The following CDH13 variants were observed in gnomAD, a reference collection of about 807,000 sequenced individuals.
The protein encoded by CDH13 is cadherin 13, also known as cadherin-13.
A neutral mutation model predicts 63.8 loss-of-function variants in CDH13; 24 were observed. The observed-to-expected ratio is 0.38, with a 90% CI of 0.27 to 0.53. The LOEUF (loss-of-function observed/expected upper bound fraction) is 0.53, where lower values mean the gene tolerates loss of function less well. Ranked by LOEUF, CDH13 falls within the 20% of genes least tolerant of loss-of-function variation. The pLI, the probability that CDH13 is intolerant of heterozygous loss-of-function variation, is 0.85. For missense variants in CDH13, 1,049 were observed against 903.1 expected (o/e 1.16, Z -2.07); for synonymous variants, 503 against 355.3 (o/e 1.42, Z -4.67).
intron 7 of CDH13, among the ~76,000 whole-genome samples, chr16:83,525,449 C>G (rs2074940072): frequency 6.6e-6 from 1 of 152,200 alleles, no homozygotes; most frequent in Admixed American, 6.5e-5. Context: ...GACTCCTAAG[C>G]CTAATTTGTA....
chr16:83,124,909 T>C (rs938435504), intron 3 of CDH13, among the ~76,000 whole-genome samples: 5 of 152,216 alleles, frequency 3.3e-5, no homozygotes, highest in Admixed American at 6.5e-5. Context: ...CATCCTGTTT[T>C]GGTTACTATA....
At chr16:82,899,570 G>T (rs1011317900) in intron 2 of CDH13, among the ~76,000 whole-genome samples, 4 of 152,110 alleles carry the variant, frequency 2.6e-5, no homozygotes, top group African/African-American at 7.2e-5. Flanking sequence ...ATGAGGCAAT[G>T]CCTGCAGGTG....
intron 6 of CDH13, among the ~76,000 whole-genome samples, chr16:83,369,196 CAAA>C (rs950934733): frequency 6.6e-6 from 1 of 151,104 alleles, no homozygotes; most frequent in Admixed American, 6.6e-5. Flanking sequence ...TGGTCATGAT[CAAA>C]AAATGAAAAA....
chr16:83,540,926 G>A (rs1308173714), intron 7 of CDH13, among the ~76,000 whole-genome samples: 2 of 152,140 alleles, frequency 1.3e-5, no homozygotes, highest in African/African-American at 4.8e-5. Context: ...CACTGCACCT[G>A]GCCTATTGTC....
chr16:83,690,635 C>G (rs1904765661), intron 10 of CDH13, among the ~76,000 whole-genome samples: 1 of 152,014 alleles, frequency 6.6e-6, no homozygotes, highest in Admixed American at 6.5e-5. Flanking sequence ...GTAGGGTAGC[C>G]ATAGTAATCC....
At chr16:83,338,595 C>T (rs907720165) in intron 5 of CDH13, among the ~76,000 whole-genome samples, 6 of 152,222 alleles carry the variant, frequency 3.9e-5, no homozygotes, top group Admixed American at 6.5e-5. Flanking sequence ...AGGAGGCTGA[C>T]GCCATGGGAA....
At chr16:83,395,572 C>T (rs1353620126) in intron 6 of CDH13, among the ~76,000 whole-genome samples, 3 of 152,100 alleles carry the variant, frequency 2.0e-5, no homozygotes, top group African/African-American at 7.2e-5. Context: ...CCCAACCCTC[C>T]CACATTGAAG....
intron 2 of CDH13, among the ~76,000 whole-genome samples, chr16:82,949,217 C>G (rs947199620): frequency 3.3e-5 from 5 of 152,164 alleles, no homozygotes; most frequent in Admixed American, 6.5e-5. Context: ...TTCAGAGTGT[C>G]TAGGGGAGGA....
intron 6 of CDH13, among the ~76,000 whole-genome samples, chr16:83,370,008 G>T (rs917128490): frequency 1.3e-5 from 2 of 152,260 alleles, no homozygotes; most frequent in African/African-American, 4.8e-5. Flanking sequence ...CATCTGAAAC[G>T]ATCTCCTCCA....
intron 4 of CDH13, among the ~76,000 whole-genome samples, chr16:83,167,756 G>A (rs1053481039): frequency 2.7e-5 from 4 of 150,588 alleles, no homozygotes; most frequent in Middle Eastern, 3.4e-3. Flanking sequence ...TTTTCAAATA[G>A]TTCAACTGGA....
At chr16:82,830,759 A>G (rs1394768115) in intron 1 of CDH13, among the ~76,000 whole-genome samples, 2 of 152,244 alleles carry the variant, frequency 1.3e-5, no homozygotes, top group African/African-American at 2.4e-5. Flanking sequence ...TATGCATAAA[A>G]GAAGGCCAGT....
chr16:82,896,276 A>ATTTTGTTTTTTT (rs2041253849), intron 2 of CDH13, among the ~76,000 whole-genome samples: 1 of 87,816 alleles, frequency 1.1e-5, no homozygotes, highest in Non-Finnish European at 2.2e-5. Context: ...TAGGATTAGG[A>ATTTTGTTTTTTT]TTTTTTTTTT....
chr16:83,572,209 T>TGTGTGTGTGTGA (rs1567775000), intron 7 of CDH13, among the ~76,000 whole-genome samples: 1 of 143,692 alleles, frequency 7.0e-6, no homozygotes. Context: ...TGTGTGTGTG[T>TGTGTGTGTGTGA]GAGTTTCACT....
chr16:83,191,528 C>CATATATATATATATATAT (rs1479803621), intron 4 of CDH13, among the ~76,000 whole-genome samples: 29 of 70,062 alleles, frequency 4.1e-4, no homozygotes, highest in East Asian at 1.5e-3. Context: ...CACACACACA[C>CATATATATATATATATAT]ACATATATAT....
At chr16:82,874,986 A>G (rs534809845) in intron 2 of CDH13, among the ~76,000 whole-genome samples, 46 of 152,334 alleles carry the variant, frequency 3.0e-4, no homozygotes, top group African/African-American at 8.9e-4. Context: ...GCCATGGGCT[A>G]GGACCAGGCT....
chr16:82,710,804 A>G (rs968205409), intron 1 of CDH13, among the ~76,000 whole-genome samples: 4 of 149,580 alleles, frequency 2.7e-5, no homozygotes, highest in African/African-American at 4.9e-5. Context: ...ACCTATAAGT[A>G]TATATGTATG....
At position 82,817,914 on chromosome 16, in the gene CDH13, C is replaced by T. The variant is rs1228241316; in HGVS notation, c.46-40448C>T. On this transcript the variant is annotated intron_variant, in intron 1 of 13. Transcript: ENST00000567109. ...TTACATACAAATGCATGCATACATG[C>T]ACATATGCACACACCTATAATTATA... Among the ~76,000 whole-genome samples the T allele has an allele frequency of 2.0e-5, 3 of 151,618 alleles. No individual in the cohort carries two copies. In the East Asian group the frequency reaches 5.8e-4, roughly 29 times the overall value.
At chr16:83,130,404 T>C (rs1395686489) in intron 4 of CDH13, among the ~76,000 whole-genome samples, 1 of 152,250 alleles carries the variant, frequency 6.6e-6, no homozygotes, top group Non-Finnish European at 1.5e-5. Flanking sequence ...AAGCCCAATC[T>C]GAGAATACTC....
chr16:82,989,660 C>G (rs1006659367), intron 2 of CDH13, among the ~76,000 whole-genome samples: 1 of 152,192 alleles, frequency 6.6e-6, no homozygotes, highest in African/African-American at 2.4e-5. Context: ...ATGAAGAAAT[C>G]TCAGCAGTCA....
Sources: gnomAD v4.1 joint callset for allele counts (sites outside exome capture counted in the v4.1 genomes callset) on GRCh38, gnomAD v4.1.1 for gene constraint, MANE v1.5 for transcripts, NCBI Gene and HGNC (gene_info 2026-07-23, HGNC 2026-07-21) for gene names.